The following EIF5 variants were observed in gnomAD, a reference collection of about 807,000 sequenced individuals.
EIF5 encodes the protein eukaryotic translation initiation factor 5.
In EIF5, 10 loss-of-function variants were observed where a neutral mutation model predicts 48.3. The observed-to-expected ratio is 0.21, with a 90% CI of 0.13 to 0.35. EIF5 has a LOEUF of 0.35. Ranked by LOEUF, EIF5 falls within the 10% of genes least tolerant of loss-of-function variation. EIF5 has a pLI of 1.00. For missense variants in EIF5, 397 were observed against 533.2 expected (o/e 0.74, Z 2.51); for synonymous variants, 237 against 173.1 (o/e 1.37, Z -2.90).
chr14:103,335,799 A>G lies in EIF5; in HGVS notation c.-62A>G, dbSNP rs1363953462. ...TCATCCCTTCTTCTCCAGACAGAAG[A>G]TACCAAAAAGTTGCAATCAAAGATC... On this transcript the variant is annotated 5_prime_UTR_variant, in exon 3 of 12. Coordinates refer to ENST00000216554, the MANE Select transcript of EIF5 (RefSeq NM_001969.5). The G allele has an allele frequency of 1.3e-6, 2 of 1,574,794 alleles. No individual in the cohort carries two copies. Among genetic ancestry groups the G allele is most frequent in the African/African-American group, 1.3e-5 (1 of 74,092 alleles).
rs766542614 is a variant in EIF5 at position 103,339,645 on chromosome 14, CACA to C, written c.921_923del (p.Asn307del). On this transcript the variant is annotated inframe_deletion, in exon 10 of 12. Transcript: ENST00000216554. Reference sequence around the variant, plus strand: ...CCAAGGTGTCTATTTGCAGTTTTGTCACAACAACAAAAAAGCCCAACGGTACCT... The same window carrying C: ...CCAAGGTGTCTATTTGCAGTTTTGTCACAACAAAAAAGCCCAACGGTACCT... 3.1e-6 allele frequency: 5 copies of C among 1,614,122 alleles called. No individual in the cohort carries two copies. The highest frequency in any genetic ancestry group is 2.2e-5 in the East Asian group (1 of 44,882).
chr14:103,335,838 G>T lies in EIF5; in HGVS notation c.-23G>T. ...CAATCAAAGATCTCTTCATCTTATT[G>T]ATAAAGCCACTAATAAGCCAAAATG... On this transcript the variant is annotated 5_prime_UTR_variant, in exon 3 of 12. The change abolishes the stop of an existing upstream ORF in the 5' untranslated region. Transcript: ENST00000216554. 6.2e-7 allele frequency: 1 copy of T among 1,603,566 alleles called. No homozygotes were observed. The highest frequency in any genetic ancestry group is 1.1e-5 in the South Asian group (1 of 90,920).
intron 10 of EIF5, 103 bp downstream of exon 10, chr14:103,339,906 A>G: frequency 7.6e-7 from 1 of 1,322,340 alleles, no homozygotes; most frequent in East Asian, 2.5e-5. Context: ...TTGTCCAGGC[A>G]GGAGTACAGT....
rs1000854467 is a variant in EIF5 at position 103,334,479 on chromosome 14, G to C, written c.-327G>C. The C allele has an allele frequency of 1.3e-5, 2 of 151,586 alleles. No individual in the cohort carries two copies. The highest frequency in any genetic ancestry group is 2.9e-5 in the Non-Finnish European group (2 of 67,956). 9.4% of individuals were successfully genotyped at this position (151,586 alleles called of 1,614,324 possible). On this transcript the variant is annotated 5_prime_UTR_variant, in exon 2 of 12. Transcript: ENST00000216554. ...CTCGGCGGCGGCACCTGGCCCGGCCGCTCCTCGCTGCGCTTCGCCTCCGCC... is the reference window on the plus strand; with the variant it reads ...CTCGGCGGCGGCACCTGGCCCGGCCCCTCCTCGCTGCGCTTCGCCTCCGCC...
rs77352340 is a variant in EIF5, at chr14:103,344,361, T to A, written c.*3309T>A. ...TATGAGAATAGAAGCTACAGAGTTC[T>A]TTTCTTGGGACCTAGACTGGGAGGT... On this transcript the variant is annotated 3_prime_UTR_variant, in exon 12 of 12. Transcript: ENST00000216554. 6.6e-6 allele frequency: 1 copy of A among 152,194 alleles called. No individual in the cohort carries two copies. Among genetic ancestry groups the A allele is most frequent in the East Asian group, 1.9e-4 (1 of 5,204 alleles). 9.4% of individuals were successfully genotyped at this position (152,194 alleles called of 1,614,324 possible). A position where few individuals can be genotyped will look rare whatever the true frequency, so the allele number is the denominator to read the frequency against.
At position 103,338,337 on chromosome 14, in the gene EIF5, C is replaced by G. The variant is rs894028608; in HGVS notation, c.450C>G (p.Asp150Glu). 2 of 1,613,432 alleles carry G rather than the reference C, an allele frequency of 1.2e-6. No homozygotes were observed. The highest frequency in any genetic ancestry group is 1.7e-6 in the Non-Finnish European group (2 of 1,179,798). ...FILKNPPENS[D>E]SGTGKKEKEK... is the part of the protein sequence containing the mutation. ...CCTTTTTTTCTGTAGAGAATAGTGA[C>G]AGTGGTACAGGAAAGAAAGAAAAAG... is the stretch of plus-strand genomic sequence containing the variant. Residue 150 changes from aspartate (D) to glutamate (E), a missense_variant, in exon 7 of 12, where the codon GAC (aspartate) becomes GAG (glutamate). Physicochemically the swap from Asp to Glu is conservative, Grantham distance 45. Coordinates refer to ENST00000216554, the MANE Select transcript of EIF5 (RefSeq NM_001969.5).
chr14:103,335,991 A>G lies in EIF5; in HGVS notation c.73-45A>G, dbSNP rs751657177. On this transcript the variant is annotated intron_variant, in intron 3 of 11. Coordinates refer to ENST00000216554, the MANE Select transcript of EIF5 (RefSeq NM_001969.5). The stretch of plus-strand genomic sequence containing the variant: ...CTTTTTGTAGAATTTTGAAGTTTGC[A>G]TTTGTCAGGGGAAACTGCACAACTA... 8 of 1,613,794 alleles carry G rather than the reference A, an allele frequency of 5.0e-6. No individual in the cohort carries two copies. In the South Asian group the frequency reaches 8.8e-5, roughly 18 times the overall value.
chr14:103,336,767 C>A lies in EIF5; in HGVS notation c.245C>A (p.Ala82Glu). 1.2e-6 allele frequency: 2 copies of A among 1,613,962 alleles called. No homozygotes were observed. Residue 82 changes from alanine (A) to glutamate (E), a missense_variant, in exon 5 of 12, where the codon GCG (alanine) becomes GAG (glutamate). Transcript: ENST00000216554. ...DRYIVNGSHE[A>E]NKLQDMLDGF... ...TACATTGTCAATGGATCTCATGAGG[C>A]GAATAAGCTGCAAGACATGTTGGAT...
At chr14:103,336,619 TGAG>T in intron 4 of EIF5, 55 bp from the exon 5 acceptor site, 1 of 1,495,700 alleles carries the variant, frequency 6.7e-7, no homozygotes, top group Non-Finnish European at 8.9e-7. Flanking sequence ...CAAATGTGAG[TGAG>T]TAGCCAGAGA....
intron 10 of EIF5, 116 bp from the exon 11 acceptor site, chr14:103,340,311 T>C: frequency 1.8e-6 from 2 of 1,118,676 alleles, no homozygotes; most frequent in Non-Finnish European, 1.3e-6. Context: ...ATTGATTCTG[T>C]TTGAGGATTC....
At chr14:103,337,610 T>C (rs1192697307) in intron 6 of EIF5, 2 of 323,216 alleles carry the variant, frequency 6.2e-6, no homozygotes, top group Non-Finnish European at 1.2e-5. Context: ...AAAAACAATA[T>C]AAGGAACCTT....
In EIF5 at chr14:103,339,159, C is replaced by T. The variant is rs1461151062; in HGVS notation, c.745-13C>T. 10 of 1,600,276 alleles carry T rather than the reference C, an allele frequency of 6.2e-6. No homozygotes were observed. In the Admixed American group the frequency reaches 1.3e-4, roughly 20 times the overall value. The stretch of plus-strand genomic sequence containing the variant: ...GCCTCCATTGCACTGAATTGTTTTC[C>T]TTTTCTTTGCAGAAAAAGAAAGAAG... On this transcript the variant is annotated splice_polypyrimidine_tract_variant and intron_variant, in intron 8 of 11. Coordinates refer to ENST00000216554, the MANE Select transcript of EIF5 (RefSeq NM_001969.5).
rs754798567 is a variant in EIF5 at position 103,338,909 on chromosome 14, G to T, written c.744+16G>T. On this transcript the variant is annotated intron_variant, in intron 8 of 11. Coordinates refer to ENST00000216554, the MANE Select transcript of EIF5 (RefSeq NM_001969.5). ...TTTTGTTAAGGTAAAACATTTGCTT[G>T]GTCTGTAAATCAGCTTCAACCCAGC... 6.2e-7 allele frequency: 1 copy of T among 1,610,908 alleles called. No individual in the cohort carries two copies. Among genetic ancestry groups the T allele is most frequent in the Non-Finnish European group, 8.5e-7 (1 of 1,178,314 alleles).
chr14:103,340,923 T>C lies in EIF5; in HGVS notation c.1207-40T>C, dbSNP rs781414465. 1.0e-5 allele frequency: 16 copies of C among 1,586,074 alleles called. No homozygotes were observed. The Admixed American group carries it at 2.7e-4, about 26-fold the overall frequency. The stretch of plus-strand genomic sequence containing the variant: ...TACATTGATTTGTTTTATAAACAGA[T>C]TTATCAGCTTATGTTGAATAAAATC... On this transcript the variant is annotated intron_variant, in intron 11 of 11. Coordinates refer to ENST00000216554, the MANE Select transcript of EIF5 (RefSeq NM_001969.5).
At position 103,344,808 on chromosome 14, in the gene EIF5, TGAAAG is replaced by T. The variant is rs2089395387; in HGVS notation, c.*3757_*3761del. The T allele has an allele frequency of 6.6e-6, 1 of 152,248 alleles. No individual in the cohort carries two copies. The highest frequency in any genetic ancestry group is 2.4e-5 in the African/African-American group (1 of 41,534). 9.4% of individuals were successfully genotyped at this position (152,248 alleles called of 1,614,324 possible). A position where few individuals can be genotyped will look rare whatever the true frequency, so the allele number is the denominator to read the frequency against. ...AAGTTAACATTTTTAAAAATCCAAA[TGAAAG>T]TAAATGGAATAAATGTATCAGGTAA... On this transcript the variant is annotated 3_prime_UTR_variant, in exon 12 of 12. Coordinates refer to ENST00000216554, the MANE Select transcript of EIF5 (RefSeq NM_001969.5).
Position 103,342,014 on chromosome 14 carries a change from C to G in EIF5, c.*962C>G, listed in dbSNP as rs746957396. The G allele has an allele frequency of 1.3e-5, 2 of 152,558 alleles. No individual in the cohort carries two copies. The highest frequency in any genetic ancestry group is 4.8e-5 in the African/African-American group (2 of 41,412). The allele number at this position is 152,558 out of a possible 1,614,324, so 9.5% of individuals were successfully genotyped here. A position where few individuals can be genotyped will look rare whatever the true frequency, so the allele number is the denominator to read the frequency against. The stretch of plus-strand genomic sequence containing the variant: ...TTCGTTCAGTGTGGCTTTAATTTTC[C>G]CCTCTTGCAGTTTGTTCTGTAATGC... On this transcript the variant is annotated 3_prime_UTR_variant, in exon 12 of 12. Transcript: ENST00000216554.
intron 8 of EIF5, 123 bp from the exon 9 acceptor site, chr14:103,339,049 C>A: frequency 6.8e-7 from 1 of 1,472,408 alleles, no homozygotes; most frequent in South Asian, 1.4e-5. Flanking sequence ...ATTCCAGGCA[C>A]TATGTGTCAC....
At chr14:103,334,813 A>G (rs1595361359) in intron 2 of EIF5, 1 of 150,980 alleles carries the variant, frequency 6.6e-6, no homozygotes, top group East Asian at 2.0e-4. Context: ...GCTCGGGCTG[A>G]CTCAGGCTTC....
At chr14:103,337,696 A>G in intron 6 of EIF5, 1 of 382,634 alleles carries the variant, frequency 2.6e-6, no homozygotes, top group Non-Finnish European at 5.1e-6. Context: ...TAAAGGTGAA[A>G]AATAGGCTGC....
Sources: gnomAD v4.1 joint callset for allele counts on GRCh38, gnomAD v4.1.1 for gene constraint, MANE v1.5 for transcripts, NCBI Gene and HGNC (gene_info 2026-07-23, HGNC 2026-07-21) for gene names.